Variants in SORCS3 observed in about 807,000 individuals in gnomAD.
SORCS3 encodes the protein sortilin related VPS10 domain containing receptor 3, also known as VPS10 domain-containing receptor SorCS3.
Under a neutral mutation model 146.3 loss-of-function variants are expected in SORCS3, and 57 were observed. The ratio of observed to expected loss-of-function variants is 0.39; its 90% CI spans 0.31 to 0.49. The LOEUF (loss-of-function observed/expected upper bound fraction) is 0.49. Ranked by LOEUF, SORCS3 falls within the 20% of genes least tolerant of loss-of-function variation. The pLI is 0.92. For synonymous variants in SORCS3, 653 were observed against 618.5 expected, an observed-to-expected ratio of 1.06 and a Z score of -0.83; for missense variants, 1,341 against 1,575.5, an observed-to-expected ratio of 0.85 and a Z score of 2.52.
At chr10:104,974,960 A>T (rs1274857440) in intron 3 of SORCS3, among the ~76,000 whole-genome samples, 3 of 152,118 alleles carry the variant, frequency 2.0e-5, no homozygotes, top group Admixed American at 6.5e-5. Context: ...TATGAAGCTT[A>T]GTTTGGCTGG....
At chr10:105,015,781 G>A (rs558883048) in intron 4 of SORCS3, among the ~76,000 whole-genome samples, 55 of 151,700 alleles carry the variant, frequency 3.6e-4, no homozygotes, top group Admixed American at 1.1e-3. Context: ...CCAGGCTGGC[G>A]TGCAGTGGCG....
At position 105,262,439 on chromosome 10, in the gene SORCS3, CTT is replaced by C; in HGVS notation, c.3554_3555del (p.Phe1185TyrfsTer4). 1 of 1,614,054 alleles carries C rather than the reference CTT, an allele frequency of 6.2e-7. No individual in the cohort carries two copies. Among genetic ancestry groups the C allele is most frequent in the East Asian group, 2.2e-5 (1 of 44,870 alleles). On this transcript the variant is annotated frameshift_variant, in exon 26 of 27. Transcript: ENST00000369701. LOFTEE classifies it high-confidence loss of function. ...ENAPKITLSD[F>X]TEPEELLDKE... Reference sequence around the variant, plus strand: ...ACGCCCCCAAAATCACACTCAGTGACTTTACGGAGCCTGAGGAGCTGCTGGAC... The same window carrying C: ...ACGCCCCCAAAATCACACTCAGTGACTACGGAGCCTGAGGAGCTGCTGGAC...
intron 2 of SORCS3, among the ~76,000 whole-genome samples, chr10:104,907,946 C>T (rs2018925493): frequency 6.6e-6 from 1 of 152,228 alleles, no homozygotes; most frequent in South Asian, 2.1e-4. Flanking sequence ...ATTAATGTGA[C>T]TTTGGGCACT....
chr10:104,710,347 C>T (rs1296284276), intron 1 of SORCS3, among the ~76,000 whole-genome samples: 2 of 152,156 alleles, frequency 1.3e-5, no homozygotes, highest in Non-Finnish European at 2.9e-5. Flanking sequence ...ACCTTTGCTT[C>T]ATTTATTCAT....
intron 4 of SORCS3, among the ~76,000 whole-genome samples, chr10:105,027,648 G>A (rs896871989): frequency 6.6e-6 from 1 of 152,178 alleles, no homozygotes; most frequent in South Asian, 2.1e-4. Flanking sequence ...ATACTCAGCT[G>A]AGGTTCAACA....
chr10:105,094,712 T>C (rs558002380), intron 6 of SORCS3, among the ~76,000 whole-genome samples: 19 of 152,308 alleles, frequency 1.2e-4, no homozygotes, highest in African/African-American at 3.6e-4. Context: ...AGATTGAGAC[T>C]AATGACCTAA....
chr10:104,771,433 G>T lies in SORCS3; in HGVS notation c.628-71359G>T, dbSNP rs148938431. Among the ~76,000 whole-genome samples the T allele has an allele frequency of 2.0e-3, 298 of 152,208 alleles. 1 individual carries two copies. The highest frequency in any genetic ancestry group is 6.8e-3 in the Middle Eastern group (2 of 294). ...CTGCTTGGCCCCTGACCCTCTAAAA[G>T]GGCCCTGGGATCCCTGGGCAGAAGA... On this transcript the variant is annotated intron_variant, in intron 1 of 26. Coordinates refer to ENST00000369701, the MANE Select transcript of SORCS3 (RefSeq NM_014978.3).
chr10:104,763,131 T>C (rs2017141503), intron 1 of SORCS3, among the ~76,000 whole-genome samples: 2 of 152,204 alleles, frequency 1.3e-5, no homozygotes, highest in Non-Finnish European at 2.9e-5. Flanking sequence ...TAATTTTTGG[T>C]TCATACCCCA....
intron 3 of SORCS3, among the ~76,000 whole-genome samples, chr10:104,946,972 G>A (rs1210377932): frequency 6.6e-6 from 1 of 152,168 alleles, no homozygotes; most frequent in African/African-American, 2.4e-5. Flanking sequence ...ATGAAACTGT[G>A]CTGAGGTTCA....
intron 4 of SORCS3, among the ~76,000 whole-genome samples, chr10:105,003,394 A>T (rs2133674595): frequency 6.6e-6 from 1 of 152,140 alleles, no homozygotes; most frequent in South Asian, 2.1e-4. Context: ...GCTCTTGCCT[A>T]CCCTAGATGT....
intron 1 of SORCS3, among the ~76,000 whole-genome samples, chr10:104,785,857 G>A (rs1433999315): frequency 1.3e-5 from 2 of 152,194 alleles, no homozygotes; most frequent in Non-Finnish European, 2.9e-5. Flanking sequence ...TCTGGTGAAA[G>A]TGGTCAATCT....
chr10:104,813,962 C>CT (rs2017768249), intron 1 of SORCS3, among the ~76,000 whole-genome samples: 1 of 132,620 alleles, frequency 7.5e-6, no homozygotes, highest in Non-Finnish European at 1.6e-5. Context: ...GGGGTGTGGT[C>CT]TTTAAGAATA....
chr10:105,174,746 C>T (rs182737214), intron 13 of SORCS3, among the ~76,000 whole-genome samples: 3 of 152,068 alleles, frequency 2.0e-5, no homozygotes, highest in South Asian at 2.1e-4. Context: ...TCTGCCGATC[C>T]GCTCTTTCCT....
intron 17 of SORCS3, among the ~76,000 whole-genome samples, chr10:105,211,952 G>C (rs1027470134): frequency 1.3e-5 from 2 of 152,120 alleles, no homozygotes. Flanking sequence ...GATCTGGGGT[G>C]GTGGGGAAAT....
chr10:105,153,688 G>C (rs901509282), intron 9 of SORCS3, among the ~76,000 whole-genome samples: 1 of 151,216 alleles, frequency 6.6e-6, no homozygotes, highest in African/African-American at 2.4e-5. Flanking sequence ...TAGCTGTTCC[G>C]ATGGGGATTT....
intron 3 of SORCS3, among the ~76,000 whole-genome samples, chr10:104,924,202 T>A (rs1477022448): frequency 6.6e-6 from 1 of 152,146 alleles, no homozygotes; most frequent in African/African-American, 2.4e-5. Flanking sequence ...AGACCCTCAT[T>A]GAACAGAAGA....
intron 1 of SORCS3, among the ~76,000 whole-genome samples, chr10:104,797,152 A>G (rs2017565861): frequency 6.6e-6 from 1 of 152,058 alleles, no homozygotes; most frequent in Non-Finnish European, 1.5e-5. Context: ...GACATTTCCC[A>G]TTTTTTTCCT....
chr10:104,876,150 G>A (rs2018569123), intron 2 of SORCS3, among the ~76,000 whole-genome samples: 1 of 152,254 alleles, frequency 6.6e-6, no homozygotes, highest in South Asian at 2.1e-4. Flanking sequence ...AAAAAGGACT[G>A]TGACTTCAAC....
chr10:105,089,629 G>T, intron 5 of SORCS3, 146 bp from the exon 6 acceptor site: 1 of 670,076 alleles, frequency 1.5e-6, no homozygotes. Context: ...GACTGCCAGT[G>T]GCCACATTCT....
Sources: gnomAD v4.1 joint callset for allele counts (sites outside exome capture counted in the v4.1 genomes callset) on GRCh38, gnomAD v4.1.1 for gene constraint, MANE v1.5 for transcripts, NCBI Gene and HGNC (gene_info 2026-07-23, HGNC 2026-07-21) for gene names.